VMP1: variants seen among roughly 807,000 people sequenced by gnomAD.
VMP1 encodes the protein vacuole membrane protein 1.
A neutral mutation model predicts 56.0 loss-of-function variants in VMP1; 11 were observed. The ratio of observed to expected loss-of-function variants is 0.20; its 90% CI spans 0.12 to 0.32. The LOEUF is 0.32. VMP1 is among the 10% of genes least tolerant of loss of function. VMP1 has a pLI of 1.00. For synonymous variants in VMP1, 149 were observed against 165.0 expected (o/e 0.90, Z 0.74); for missense variants, 296 against 490.3 (o/e 0.60, Z 3.74).
intron 10 of VMP1, among the ~76,000 whole-genome samples, chr17:59,823,865 A>G (rs1405318022): frequency 1.3e-5 from 2 of 152,230 alleles, no homozygotes; most frequent in Non-Finnish European, 2.9e-5. Context: ...AAGGAGAGAT[A>G]ACTTGTCATG....
chr17:59,730,744 TG>T (rs1359012668), intron 1 of VMP1, among the ~76,000 whole-genome samples: 1 of 152,198 alleles, frequency 6.6e-6, no homozygotes, highest in Non-Finnish European at 1.5e-5. Flanking sequence ...GGTTTTTATA[TG>T]TTGTATTACA....
At chr17:59,754,936 T>G (rs1473712555) in intron 5 of VMP1, among the ~76,000 whole-genome samples, 1 of 151,490 alleles carries the variant, frequency 6.6e-6, no homozygotes, top group Non-Finnish European at 1.5e-5. Context: ...TTAGTTTAGC[T>G]TAAATTTGTT....
At chr17:59,774,673 CTTTGT>C (rs990357037) in intron 7 of VMP1, among the ~76,000 whole-genome samples, 3 of 150,496 alleles carry the variant, frequency 2.0e-5, no homozygotes, top group Non-Finnish European at 2.9e-5. Context: ...TCTTCCTTTT[CTTTGT>C]TTTGTTTTGT....
In VMP1 at chr17:59,750,162, AAC is replaced by A. The variant is rs78220499; in HGVS notation, c.414+11217_414+11218del. Among the ~76,000 whole-genome samples, 406 of 152,288 alleles carry A rather than the reference AAC, an allele frequency of 2.7e-3. 8 individuals carry two copies. The highest frequency in any genetic ancestry group is 0.022 in the East Asian group (116 of 5,188). ...TATATAGCTTTTTCTTAATTTGCATAACAGTTTTATATTAAATATTAGTAAAT... is the reference window on the plus strand; with the variant it reads ...TATATAGCTTTTTCTTAATTTGCATAAGTTTTATATTAAATATTAGTAAAT... On this transcript the variant is annotated intron_variant, in intron 5 of 11. Transcript: ENST00000262291.
intron 7 of VMP1, among the ~76,000 whole-genome samples, chr17:59,802,895 C>A (rs112493755): frequency 7.0e-6 from 1 of 143,818 alleles, no homozygotes; most frequent in Non-Finnish European, 1.6e-5. Context: ...TACAGGCATG[C>A]GCCACCATGC....
chr17:59,824,639 G>A (rs1261741385), intron 10 of VMP1, among the ~76,000 whole-genome samples: 1 of 148,052 alleles, frequency 6.8e-6, no homozygotes, highest in South Asian at 2.2e-4. Flanking sequence ...TTGGGAGGCC[G>A]AGGTGGGCGG....
At chr17:59,715,983 A>AT (rs988687292) in intron 1 of VMP1, among the ~76,000 whole-genome samples, 39 of 148,194 alleles carry the variant, frequency 2.6e-4, no homozygotes, top group Admixed American at 1.0e-3. Flanking sequence ...AAAATTTTTT[A>AT]TTTTTTTTTT....
chr17:59,768,828 A>G (rs1449402501), intron 6 of VMP1, among the ~76,000 whole-genome samples: 1 of 151,058 alleles, frequency 6.6e-6, no homozygotes, highest in Admixed American at 6.6e-5. Context: ...TAAAAATACA[A>G]AAAAAAAATT....
chr17:59,758,690 G>C (rs537844509), intron 5 of VMP1, among the ~76,000 whole-genome samples: 2 of 152,030 alleles, frequency 1.3e-5, no homozygotes, highest in Non-Finnish European at 1.5e-5. Context: ...ATCTGGGCCA[G>C]GTGCGCCGGC....
chr17:59,741,408 A>G (rs1402943764), intron 5 of VMP1, among the ~76,000 whole-genome samples: 1 of 152,162 alleles, frequency 6.6e-6, no homozygotes, highest in Non-Finnish European at 1.5e-5. Context: ...GAGAACTTGT[A>G]GAGAGAAGTC....
chr17:59,712,152 C>A (rs887632116), intron 1 of VMP1, among the ~76,000 whole-genome samples: 1 of 152,138 alleles, frequency 6.6e-6, no homozygotes, highest in Admixed American at 6.5e-5. Context: ...TGATTGTGAT[C>A]ATTATCATCA....
chr17:59,797,248 G>C (rs1435803355), intron 7 of VMP1, among the ~76,000 whole-genome samples: 8 of 148,234 alleles, frequency 5.4e-5, no homozygotes, highest in Non-Finnish European at 1.0e-4. Context: ...TGAGGCAGGA[G>C]AATTGATTGA....
intron 7 of VMP1, among the ~76,000 whole-genome samples, chr17:59,805,735 T>C (rs1480257554): frequency 1.3e-5 from 2 of 151,998 alleles, no homozygotes; most frequent in Non-Finnish European, 2.9e-5. Flanking sequence ...TTGTTGATCT[T>C]GTCTATACCA....
chr17:59,764,184 G>A (rs933175504), intron 5 of VMP1, among the ~76,000 whole-genome samples: 8 of 152,144 alleles, frequency 5.3e-5, no homozygotes, highest in African/African-American at 1.9e-4. Context: ...TAAAAGAACA[G>A]TGGCTCAGGA....
Position 59,712,944 on chromosome 17 carries a change from A to G in VMP1, c.-27+5196A>G, listed in dbSNP as rs1001678605. ...CAAGAAGAAGATGAAGATGGTCTGGACTAGAAGGGTAGCAAAGAAGATGGA... is the reference window on the plus strand; with the variant it reads ...CAAGAAGAAGATGAAGATGGTCTGGGCTAGAAGGGTAGCAAAGAAGATGGA... On this transcript the variant is annotated intron_variant, in intron 1 of 11. Transcript: ENST00000262291. 5.3e-5 allele frequency among the ~76,000 whole-genome samples: 8 copies of G among 152,300 alleles called. No homozygotes were observed. In the East Asian group the frequency reaches 1.5e-3, roughly 29 times the overall value.
At chr17:59,824,872 C>CA (rs1204824277) in intron 10 of VMP1, among the ~76,000 whole-genome samples, 21,508 of 62,640 alleles carry the variant, frequency 0.34, 3,084 homozygotes, top group East Asian at 0.51. Flanking sequence ...GACTCCGTCT[C>CA]AAAAAAAAAA....
Position 59,781,322 on chromosome 17 carries a change from A to G in VMP1, c.714+7437A>G, listed in dbSNP as rs2036815145. Among the ~76,000 whole-genome samples, 4 of 152,226 alleles carry G rather than the reference A, an allele frequency of 2.6e-5. No individual in the cohort carries two copies. The South Asian group carries it at 8.3e-4, about 31-fold the overall frequency. On this transcript the variant is annotated intron_variant, in intron 7 of 11. Transcript: ENST00000262291. ...TTCTTACATTCCAAAAGTATTATAA[A>G]GTAAAAAGTGAAAGCTCACACACCT...
chr17:59,798,755 G>A (rs1247150789), intron 7 of VMP1, among the ~76,000 whole-genome samples: 4 of 152,162 alleles, frequency 2.6e-5, no homozygotes, highest in Admixed American at 1.3e-4. Context: ...GTGTGGTGGC[G>A]CATGCCTGTA....
chr17:59,743,158 TG>T (rs1361203538), intron 5 of VMP1, among the ~76,000 whole-genome samples: 1 of 152,194 alleles, frequency 6.6e-6, no homozygotes. Flanking sequence ...TACAGGTCTA[TG>T]GGTTTTGACA....
Sources: allele counts gnomAD v4.1 joint callset (sites outside exome capture counted in the v4.1 genomes callset), GRCh38; gene constraint gnomAD v4.1.1; transcripts MANE v1.5; gene names NCBI Gene and HGNC (gene_info 2026-07-23, HGNC 2026-07-21).